The following GRM7 variants were observed in gnomAD, a reference collection of about 807,000 sequenced individuals.
GRM7 encodes glutamate metabotropic receptor 7.
Under a neutral mutation model 84.5 loss-of-function variants are expected in GRM7, and 35 were observed. The observed-to-expected ratio is 0.41, with a 90% confidence interval of 0.32 to 0.55. GRM7 has a LOEUF of 0.55. Among genes scored for constraint, GRM7 ranks in the 20% least tolerant of loss-of-function variants. The pLI, the probability that GRM7 is intolerant of heterozygous loss-of-function variation, is 0.19. For missense variants in GRM7, 1,003 were observed against 1,194.6 expected, an observed-to-expected ratio of 0.84 and a Z score of 2.36; for synonymous variants, 487 against 455.1, an observed-to-expected ratio of 1.07 and a Z score of -0.89.
intron 4 of GRM7, among the ~76,000 whole-genome samples, chr3:7,384,522 G>T (rs1694710551): frequency 1.3e-5 from 2 of 152,044 alleles, no homozygotes; most frequent in South Asian, 2.1e-4. Flanking sequence ...AAAATAAATA[G>T]GTGAAATTAA....
chr3:7,556,448 C>G (rs770632313), intron 7 of GRM7, among the ~76,000 whole-genome samples: 4 of 152,110 alleles, frequency 2.6e-5, no homozygotes, highest in Non-Finnish European at 4.4e-5. Flanking sequence ...TGCATTTTTG[C>G]AGTGCCCAAA....
At chr3:6,948,957 G>A (rs1017398884) in intron 1 of GRM7, among the ~76,000 whole-genome samples, 1 of 152,168 alleles carries the variant, frequency 6.6e-6, no homozygotes, top group Non-Finnish European at 1.5e-5. Context: ...GTCTCTGCAT[G>A]TGAGATGGGT....
chr3:6,988,854 G>T (rs529646472), intron 1 of GRM7, among the ~76,000 whole-genome samples: 4 of 152,222 alleles, frequency 2.6e-5, no homozygotes, highest in African/African-American at 9.6e-5. Context: ...CCAAAGGTAG[G>T]GTTATTTGTA....
At chr3:7,591,869 A>T (rs1695797147) in intron 8 of GRM7, among the ~76,000 whole-genome samples, 1 of 152,186 alleles carries the variant, frequency 6.6e-6, no homozygotes, top group African/African-American at 2.4e-5. Context: ...TCCCAGAGCC[A>T]GAAAGGGAAA....
intron 1 of GRM7, among the ~76,000 whole-genome samples, chr3:6,877,697 C>T (rs1013002720): frequency 4.0e-5 from 6 of 151,828 alleles, no homozygotes; most frequent in East Asian, 3.9e-4. Flanking sequence ...TATAATTCAT[C>T]GGGAAGAAAA....
intron 4 of GRM7, among the ~76,000 whole-genome samples, chr3:7,340,205 G>A (rs1301659826): frequency 1.3e-5 from 2 of 152,102 alleles, no homozygotes; most frequent in Non-Finnish European, 2.9e-5. Flanking sequence ...CGGGGTCAGT[G>A]TGTCCATGAA....
At chr3:6,899,918 A>G (rs1262722492) in intron 1 of GRM7, among the ~76,000 whole-genome samples, 1 of 152,200 alleles carries the variant, frequency 6.6e-6, no homozygotes, top group Admixed American at 6.5e-5. Flanking sequence ...ACCCATTTCT[A>G]AAATTCTCAA....
intron 2 of GRM7, among the ~76,000 whole-genome samples, chr3:7,252,628 G>C (rs1283001684): frequency 7.5e-6 from 1 of 132,904 alleles, no homozygotes; most frequent in Non-Finnish European, 1.7e-5. Context: ...TAGATTTCTG[G>C]CTTGGCTTGG....
chr3:6,941,434 CTT>C (rs1697890071), intron 1 of GRM7, among the ~76,000 whole-genome samples: 1 of 152,134 alleles, frequency 6.6e-6, no homozygotes, highest in South Asian at 2.1e-4. Context: ...AGGTAACAAA[CTT>C]TGGATGAAAA....
chr3:7,437,885 C>T (rs888160860), intron 5 of GRM7, among the ~76,000 whole-genome samples: 1 of 151,650 alleles, frequency 6.6e-6, no homozygotes, highest in African/African-American at 2.4e-5. Context: ...AACATTTAAG[C>T]TAGAATTTGA....
intron 1 of GRM7, among the ~76,000 whole-genome samples, chr3:7,023,937 T>C (rs1246450774): frequency 6.6e-6 from 1 of 152,188 alleles, no homozygotes; most frequent in African/African-American, 2.4e-5. Context: ...GAATGCGTGA[T>C]GCTAATGAAA....
chr3:7,196,128 G>A (rs1474640465), intron 2 of GRM7, among the ~76,000 whole-genome samples: 4 of 152,004 alleles, frequency 2.6e-5, no homozygotes, highest in African/African-American at 4.8e-5. Context: ...TGCTGAGTGG[G>A]TCAGCCAATT....
chr3:7,189,160 A>G (rs182903773), intron 2 of GRM7, among the ~76,000 whole-genome samples: 101 of 152,320 alleles, frequency 6.6e-4, no homozygotes, highest in African/African-American at 2.1e-3. Context: ...ATACAAATGT[A>G]TGTATATATG....
intron 4 of GRM7, among the ~76,000 whole-genome samples, chr3:7,329,144 G>A (rs1423774162): frequency 2.0e-5 from 3 of 151,326 alleles, no homozygotes; most frequent in Non-Finnish European, 4.4e-5. Context: ...CATCATCAAA[G>A]TATTTGAACC....
chr3:7,534,685 C>G (rs987283443), intron 7 of GRM7, among the ~76,000 whole-genome samples: 1 of 151,928 alleles, frequency 6.6e-6, no homozygotes, highest in Non-Finnish European at 1.5e-5. Context: ...AAACAGGGCC[C>G]TTAATTCTAT....
chr3:7,099,877 C>G (rs897076134), intron 1 of GRM7, among the ~76,000 whole-genome samples: 1 of 141,356 alleles, frequency 7.1e-6, no homozygotes, highest in Non-Finnish European at 1.5e-5. Context: ...TATATGTACA[C>G]GCATTATACA....
intron 4 of GRM7, among the ~76,000 whole-genome samples, chr3:7,352,054 A>ACCC (rs1376050905): frequency 7.6e-4 from 80 of 105,020 alleles, no homozygotes; most frequent in Middle Eastern, 5.4e-3. Flanking sequence ...ACACACACAC[A>ACCC]CACCACACAC....
At chr3:7,319,004 G>C (rs974705940) in intron 4 of GRM7, among the ~76,000 whole-genome samples, 1 of 152,070 alleles carries the variant, frequency 6.6e-6, no homozygotes, top group African/African-American at 2.4e-5. Context: ...CAACTTGTGA[G>C]TTTTTGAGGT....
At chr3:7,040,870 C>T (rs555744628) in intron 1 of GRM7, among the ~76,000 whole-genome samples, 19 of 151,790 alleles carry the variant, frequency 1.3e-4, no homozygotes, top group African/African-American at 4.6e-4. Context: ...ATCATTTGAG[C>T]TCAGGAGTTC....
Sources: gnomAD v4.1 joint callset for allele counts (sites outside exome capture counted in the v4.1 genomes callset) on GRCh38, gnomAD v4.1.1 for gene constraint, MANE v1.5 for transcripts, NCBI Gene and HGNC (gene_info 2026-07-23, HGNC 2026-07-21) for gene names.